Variants in KCNQ4 observed in about 807,000 individuals in gnomAD.
KCNQ4 encodes the protein potassium voltage-gated channel subfamily Q member 4.
In KCNQ4, 31 loss-of-function variants were observed where a neutral mutation model predicts 72.6. That is an observed-to-expected ratio of 0.43 (90% CI 0.32 to 0.58). KCNQ4 has a LOEUF of 0.58. Among genes scored for constraint, KCNQ4 ranks in the 20% least tolerant of loss-of-function variants. The pLI is 0.08. For missense variants in KCNQ4, 869 were observed against 962.6 expected (o/e 0.90, Z 1.29); for synonymous variants, 405 against 403.7 (o/e 1.00, Z -0.04).
rs1048727973 is a variant in KCNQ4, at chr1:40,784,557, T to G, written c.314+150T>G. 1 of 778,680 alleles carries G rather than the reference T, an allele frequency of 1.3e-6. No individual in the cohort carries two copies. Among genetic ancestry groups the G allele is most frequent in the Admixed American group, 2.0e-5 (1 of 49,568 alleles). The allele number at this position is 778,680 out of a possible 1,614,324, so 48.2% of individuals were successfully genotyped here. A position where few individuals can be genotyped will look rare whatever the true frequency, so the allele number is the denominator to read the frequency against. ...CCCCAGGCCTAAGCCCGGTTTCTGATCCCCTCGCTGAGCCCGACCCTAAGC... is the reference window on the plus strand; with the variant it reads ...CCCCAGGCCTAAGCCCGGTTTCTGAGCCCCTCGCTGAGCCCGACCCTAAGC... On this transcript the variant is annotated intron_variant, in intron 1 of 13. Transcript: ENST00000347132. This position sits in a 1 kb window ranked among gnomAD's most constrained non-coding sequence, Gnocchi z 4.1.
rs575109479 is a variant in KCNQ4 at position 40,834,847 on chromosome 1, T to C, written c.1614-120T>C. On this transcript the variant is annotated intron_variant, in intron 11 of 13. Transcript: ENST00000347132. ...TGGGAGACGCAGCAGAGGCTGTTCA[T>C]GGTGGCCAAGCAGGAGGTGCCCTGG... 4 of 1,359,094 alleles carry C rather than the reference T, an allele frequency of 2.9e-6. No individual in the cohort carries two copies. The South Asian group carries it at 3.5e-5, about 12-fold the overall frequency. 84.2% of individuals were successfully genotyped at this position (1,359,094 alleles called of 1,614,324 possible). A position where few individuals can be genotyped will look rare whatever the true frequency, so the allele number is the denominator to read the frequency against.
chr1:40,800,813 C>T (rs1004144024), intron 1 of KCNQ4, among the ~76,000 whole-genome samples: 1 of 152,150 alleles, frequency 6.6e-6, no homozygotes, highest in South Asian at 2.1e-4. Flanking sequence ...AGAAGGGGTG[C>T]CTGAGGGGGC....
intron 5 of KCNQ4, 97 bp from the exon 6 acceptor site, chr1:40,819,778 C>A: frequency 9.5e-7 from 1 of 1,049,112 alleles, no homozygotes; most frequent in Non-Finnish European, 1.5e-6. Flanking sequence ...ACCAGGGGCC[C>A]CTTCCCTCAT....
intron 12 of KCNQ4, 93 bp from the exon 13 acceptor site, chr1:40,837,572 G>C: frequency 6.7e-7 from 1 of 1,492,688 alleles, no homozygotes; most frequent in Non-Finnish European, 9.1e-7. Context: ...CTGTCCCCTC[G>C]TGGTGCCTTC....
rs563711293 is a variant in KCNQ4, at chr1:40,818,752, A to C, written c.708+72A>C. The stretch of plus-strand genomic sequence containing the variant: ...CACGACCAGAGCGGGCAGGGCGGAG[A>C]GGGCGAGGTCAGAGGGGCTGTCTCC... On this transcript the variant is annotated intron_variant, in intron 4 of 13. Coordinates refer to ENST00000347132, the MANE Select transcript of KCNQ4 (RefSeq NM_004700.4). The C allele has an allele frequency of 7.0e-5, 105 of 1,500,312 alleles. No homozygotes were observed. The African/African-American group carries it at 1.3e-3, about 18-fold the overall frequency. The allele number at this position is 1,500,312 out of a possible 1,614,324, so 92.9% of individuals were successfully genotyped here. A position where few individuals can be genotyped will look rare whatever the true frequency, so the allele number is the denominator to read the frequency against.
Position 40,838,935 on chromosome 1 carries a change from C to G in KCNQ4, c.*412C>G, listed in dbSNP as rs1300442272. On this transcript the variant is annotated 3_prime_UTR_variant, in exon 14 of 14. Transcript: ENST00000347132. ...CACCCTTCGGACACAGCAGGGAAGC[C>G]CTCCCGCCAAGTCCCCGCCCCACTT... The G allele has an allele frequency of 3.5e-6, 1 of 288,736 alleles. No homozygotes were observed. The highest frequency in any genetic ancestry group is 4.6e-5 in the Admixed American group (1 of 21,718). The allele number at this position is 288,736 out of a possible 1,614,324, so 17.9% of individuals were successfully genotyped here.
At chr1:40,807,979 G>A (rs1165104887) in intron 1 of KCNQ4, among the ~76,000 whole-genome samples, 2 of 152,184 alleles carry the variant, frequency 1.3e-5, no homozygotes, top group Admixed American at 6.5e-5. Context: ...AATTAGCCAG[G>A]TGTGGTGGTC....
intron 1 of KCNQ4, among the ~76,000 whole-genome samples, chr1:40,793,761 C>G (rs1053996620): frequency 2.0e-5 from 3 of 152,172 alleles, no homozygotes; most frequent in Non-Finnish European, 4.4e-5. Context: ...CAACTCCCTC[C>G]CCTCTTCTGC....
intron 1 of KCNQ4, among the ~76,000 whole-genome samples, chr1:40,816,928 G>T (rs1648103673): frequency 6.6e-6 from 1 of 152,218 alleles, no homozygotes; most frequent in African/African-American, 2.4e-5. Context: ...TGGGGCCAAG[G>T]CCACCACTTG....
At chr1:40,799,436 C>CT (rs1056385789) in intron 1 of KCNQ4, among the ~76,000 whole-genome samples, 4 of 151,942 alleles carry the variant, frequency 2.6e-5, no homozygotes, top group African/African-American at 4.8e-5. Context: ...GGCCATGCCC[C>CT]CCCCCTCGCT....
At chr1:40,802,632 G>C (rs996323212) in intron 1 of KCNQ4, among the ~76,000 whole-genome samples, 1 of 152,116 alleles carries the variant, frequency 6.6e-6, no homozygotes, top group East Asian at 1.9e-4. Context: ...AGGAGAAGGA[G>C]CCCGGGCGGG....
At chr1:40,836,917 G>T (rs567205336) in intron 12 of KCNQ4, among the ~76,000 whole-genome samples, 182 of 152,110 alleles carry the variant, frequency 1.2e-3, no homozygotes, top group African/African-American at 4.1e-3. Flanking sequence ...GGAATTGGAG[G>T]TAGAGGATAG....
At chr1:40,790,933 G>A (rs1647268633) in intron 1 of KCNQ4, among the ~76,000 whole-genome samples, 1 of 152,170 alleles carries the variant, frequency 6.6e-6, no homozygotes, top group South Asian at 2.1e-4. Context: ...GGAGGACGGT[G>A]TATGCCAGAG....
chr1:40,809,711 C>A (rs1485770594), intron 1 of KCNQ4, among the ~76,000 whole-genome samples: 1 of 152,186 alleles, frequency 6.6e-6, no homozygotes, highest in Non-Finnish European at 1.5e-5. Flanking sequence ...TTGATCTATT[C>A]TGTGTACTTC....
At chr1:40,804,066 C>T (rs1331179418) in intron 1 of KCNQ4, among the ~76,000 whole-genome samples, 1 of 152,234 alleles carries the variant, frequency 6.6e-6, no homozygotes, top group African/African-American at 2.4e-5. Context: ...TTCCCTCCCT[C>T]TCCCTCCCCC....
intron 1 of KCNQ4, among the ~76,000 whole-genome samples, chr1:40,815,030 A>G (rs1648041852): frequency 6.6e-6 from 1 of 152,108 alleles, no homozygotes; most frequent in Non-Finnish European, 1.5e-5. Context: ...TCACGAGGTC[A>G]GGAGATCAAG....
rs190630049 is a variant in KCNQ4 at position 40,801,963 on chromosome 1, G to T, written c.315-15302G>T. Among the ~76,000 whole-genome samples the T allele has an allele frequency of 6.3e-3, 958 of 152,232 alleles. 7 individuals are homozygous for T. The highest frequency in any genetic ancestry group is 0.022 in the African/African-American group (911 of 41,524). On this transcript the variant is annotated intron_variant, in intron 1 of 13. Coordinates refer to ENST00000347132, the MANE Select transcript of KCNQ4 (RefSeq NM_004700.4). ...AGGAGGCGAGGGGACCAGAATACTGGACCTCAGCTCCAGTATTCTCCCTTG... is the reference window on the plus strand; with the variant it reads ...AGGAGGCGAGGGGACCAGAATACTGTACCTCAGCTCCAGTATTCTCCCTTG...
chr1:40,804,966 G>C (rs1647713016), intron 1 of KCNQ4: 1 of 152,154 alleles, frequency 6.6e-6, no homozygotes, highest in South Asian at 2.1e-4. Flanking sequence ...CACTAAGTTT[G>C]GCATAAATAT....
At chr1:40,833,688 C>A (rs1278192322) in intron 11 of KCNQ4, among the ~76,000 whole-genome samples, 2 of 151,958 alleles carry the variant, frequency 1.3e-5, no homozygotes, top group African/African-American at 2.4e-5. Flanking sequence ...AGCCTCTTTT[C>A]TTGTATTCCT....
Sources: gnomAD v4.1 joint callset for allele counts (sites outside exome capture counted in the v4.1 genomes callset) on GRCh38, gnomAD v4.1.1 for gene constraint, Gnocchi (gnomAD v3.1) non-coding constraint, MANE v1.5 for transcripts, NCBI Gene and HGNC (gene_info 2026-07-23, HGNC 2026-07-21) for gene names.